RHOU: variants seen among roughly 807,000 people sequenced by gnomAD.
RHOU encodes rho-related GTP-binding protein RhoU.
RHOU carries 8 observed loss-of-function variants against 12.6 expected under a neutral mutation model. The ratio of observed to expected loss-of-function variants is 0.64; its 90% CI spans 0.37 to 1.15. The LOEUF is 1.15. RHOU is among the 50% of genes most tolerant of loss of function. RHOU has a pLI of 0.01. For synonymous variants in RHOU, 161 were observed against 147.4 expected (o/e 1.09, Z -0.67); for missense variants, 258 against 347.0 (o/e 0.74, Z 2.04).
the RHOU span, among the ~76,000 whole-genome samples, chr1:228,727,316 C>CT: frequency 7.2e-5 from 11 of 151,884 alleles, no homozygotes; most frequent in African/African-American, 2.7e-4. Flanking sequence ...CTCTCTCTCT[C>CT]TTTTTTTCTG....
intron 2 of RHOU, among the ~76,000 whole-genome samples, chr1:228,741,129 G>T (rs1426905054): frequency 6.6e-6 from 1 of 152,070 alleles, no homozygotes; most frequent in Non-Finnish European, 1.5e-5. Context: ...AGACCAGAGG[G>T]ATGTAGAATC....
At chr1:228,724,635 G>A in the RHOU span, among the ~76,000 whole-genome samples, 1 of 152,078 alleles carries the variant, frequency 6.6e-6, no homozygotes, top group African/African-American at 2.4e-5. Flanking sequence ...ACATTTAAGA[G>A]CTACTCTTTT....
At chr1:228,657,450 T>C in the RHOU span, among the ~76,000 whole-genome samples, 1 of 152,046 alleles carries the variant, frequency 6.6e-6, no homozygotes, top group Non-Finnish European at 1.5e-5. Context: ...GCATATATAT[T>C]AATAAAAGGT....
chr1:228,746,639 G>T lies in RHOU; in HGVS notation c.*2899G>T, dbSNP rs1022160886. The T allele has an allele frequency of 4.6e-5, 7 of 152,196 alleles. No individual in the cohort carries two copies. Among genetic ancestry groups the T allele is most frequent in the African/African-American group, 1.7e-4 (7 of 41,454 alleles). The allele number at this position is 152,196 out of a possible 1,614,324, so 9.4% of individuals were successfully genotyped here. A position where few individuals can be genotyped will look rare whatever the true frequency, so the allele number is the denominator to read the frequency against. ...ACTTGAAAATGCTATAAGTGAGATG[G>T]TATGAAATAAATTCTGACTTATGAA... On this transcript the variant is annotated 3_prime_UTR_variant, in exon 3 of 3. Coordinates refer to ENST00000366691, the MANE Select transcript of RHOU (RefSeq NM_021205.6).
At chr1:228,668,691 C>T in the RHOU span, among the ~76,000 whole-genome samples, 357 of 152,296 alleles carry the variant, frequency 2.3e-3, 2 homozygotes, top group Non-Finnish European at 3.7e-3. Flanking sequence ...GTCTTAGAAT[C>T]GATAAAATAC....
chr1:228,733,503 C>T (rs1032916723), upstream of RHOU, among the ~76,000 whole-genome samples: 2 of 152,230 alleles, frequency 1.3e-5, no homozygotes, highest in Non-Finnish European at 2.9e-5. Context: ...GACAGGGTTT[C>T]GCCATGTTGG....
chr1:228,647,518 G>C, the RHOU span, among the ~76,000 whole-genome samples: 2 of 152,216 alleles, frequency 1.3e-5, no homozygotes, highest in Non-Finnish European at 2.9e-5. Flanking sequence ...CAGTCCATGC[G>C]TTCTGGAGCG....
chr1:228,714,213 C>T, the RHOU span, among the ~76,000 whole-genome samples: 9 of 151,090 alleles, frequency 6.0e-5, no homozygotes, highest in Non-Finnish European at 8.8e-5. Flanking sequence ...TTTCTTAATG[C>T]GGTGTTGAAT....
chr1:228,650,610 C>T, the RHOU span: 2 of 450,296 alleles, frequency 4.4e-6, no homozygotes, highest in East Asian at 1.4e-4. Context: ...TCTACTTCCT[C>T]AAAGGGGGAT....
At chr1:228,661,077 C>T in the RHOU span, among the ~76,000 whole-genome samples, 1 of 152,102 alleles carries the variant, frequency 6.6e-6, no homozygotes, top group African/African-American at 2.4e-5. Context: ...AGTGAACTCC[C>T]ATTCACAGTT....
chr1:228,688,096 T>G, the RHOU span, among the ~76,000 whole-genome samples: 6 of 152,076 alleles, frequency 3.9e-5, no homozygotes, highest in South Asian at 6.2e-4. Context: ...GTTTGTTTGT[T>G]GTTCACGGAT....
chr1:228,736,748 T>C (rs1234033280), intron 1 of RHOU, among the ~76,000 whole-genome samples: 1 of 152,186 alleles, frequency 6.6e-6, no homozygotes, highest in East Asian at 1.9e-4. Context: ...GAATTCTCTA[T>C]CTTGCTATTC....
At chr1:228,653,932 A>C in the RHOU span, among the ~76,000 whole-genome samples, 59 of 152,336 alleles carry the variant, frequency 3.9e-4, no homozygotes, top group African/African-American at 1.3e-3. Flanking sequence ...TATGTTTCCA[A>C]AGAACAGCTG....
At position 228,738,570 on chromosome 1, in the gene RHOU, G is replaced by A. The variant is rs1421754370; in HGVS notation, c.321+839G>A. ...GAAAGTGCCCCCTTCACTTTCTGAGGTGCCATCACATGACTATCTGTGTTT... is the reference window on the plus strand; with the variant it reads ...GAAAGTGCCCCCTTCACTTTCTGAGATGCCATCACATGACTATCTGTGTTT... On this transcript the variant is annotated intron_variant, in intron 2 of 2. Transcript: ENST00000366691. This position sits in a 1 kb window ranked among gnomAD's most constrained non-coding sequence, Gnocchi z 4.2. 1.3e-5 allele frequency among the ~76,000 whole-genome samples: 2 copies of A among 152,134 alleles called. No homozygotes were observed. The highest frequency in any genetic ancestry group is 2.9e-5 in the Non-Finnish European group (2 of 68,030).
chr1:228,703,993 T>A, the RHOU span, among the ~76,000 whole-genome samples: 3 of 152,150 alleles, frequency 2.0e-5, no homozygotes, highest in African/African-American at 7.2e-5. Context: ...AACGGAAAGA[T>A]AGAACTCCAA....
the RHOU span, among the ~76,000 whole-genome samples, chr1:228,699,444 T>C: frequency 3.6e-5 from 3 of 83,614 alleles, no homozygotes; most frequent in African/African-American, 1.7e-4. Flanking sequence ...AGAGAACCTG[T>C]CTCAAAAAAA....
chr1:228,707,474 C>A, the RHOU span, among the ~76,000 whole-genome samples: 1 of 151,444 alleles, frequency 6.6e-6, no homozygotes, highest in African/African-American at 2.4e-5. Context: ...AACGGGCAGA[C>A]TGCCTCCTCA....
chr1:228,687,098 G>A, the RHOU span, among the ~76,000 whole-genome samples: 1 of 152,148 alleles, frequency 6.6e-6, no homozygotes, highest in Non-Finnish European at 1.5e-5. Flanking sequence ...GTAGGGGATA[G>A]AGTACACAAA....
chr1:228,659,461 GA>G, the RHOU span, among the ~76,000 whole-genome samples: 1 of 147,562 alleles, frequency 6.8e-6, no homozygotes, highest in East Asian at 2.0e-4. Context: ...AACTAGAAAA[GA>G]AAAAAATTAA....
Sources: gnomAD v4.1 joint callset for allele counts (sites outside exome capture counted in the v4.1 genomes callset) on GRCh38, gnomAD v4.1.1 for gene constraint, Gnocchi (gnomAD v3.1) non-coding constraint, MANE v1.5 for transcripts, NCBI Gene and HGNC (gene_info 2026-07-23, HGNC 2026-07-21) for gene names.